Variants in FAM174C observed in about 807,000 individuals in gnomAD.
The protein encoded by FAM174C is family with sequence similarity 174 member C.
A neutral mutation model predicts 12.3 loss-of-function variants in FAM174C; 19 were observed. The ratio of observed to expected loss-of-function variants is 1.55; its 90% CI spans 1.08 to 2.27. FAM174C has a LOEUF of 2.27. Ranked by LOEUF, FAM174C falls within the 30% of genes most tolerant of loss-of-function variation. The pLI is 0.00. For missense variants in FAM174C, 239 were observed against 190.2 expected, an observed-to-expected ratio of 1.26 and a Z score of -1.51; for synonymous variants, 147 against 103.5, an observed-to-expected ratio of 1.42 and a Z score of -2.55.
intron 1 of FAM174C, 180 bp from the exon 2 acceptor site, chr19:1,277,003 C>T (rs1034037425): frequency 6.1e-6 from 6 of 987,362 alleles, no homozygotes; most frequent in Non-Finnish European, 8.5e-6. Flanking sequence ...CTGTCATCGC[C>T]ATGGGAGTGA....
chr19:1,275,743 C>T lies in FAM174C; in HGVS notation c.194C>T (p.Ala65Val), dbSNP rs2144596394. 1.3e-6 allele frequency: 2 copies of T among 1,534,896 alleles called. No individual in the cohort carries two copies. The highest frequency in any genetic ancestry group is 1.7e-6 in the Non-Finnish European group (2 of 1,144,536). ...HNSTHTRPPGASGSALTRSFY... is the reference protein window; with the variant it reads ...HNSTHTRPPGVSGSALTRSFY... ...AGCACGCACACGCGTCCGCCGGGGG[C>T]GTCGGGCTCGGCGCTGACGCGCTCC... Residue 65 changes from alanine (A) to valine (V), a missense_variant, in exon 1 of 3, where the codon GCG becomes GTG. Transcript: ENST00000409293.
chr19:1,277,140 T>G lies in FAM174C; in HGVS notation c.282-43T>G, dbSNP rs757881896. 71 of 1,505,550 alleles carry G rather than the reference T, an allele frequency of 4.7e-5. No homozygotes were observed. The African/African-American group carries it at 9.3e-4, about 20-fold the overall frequency. The allele number at this position is 1,505,550 out of a possible 1,614,324, so 93.3% of individuals were successfully genotyped here. On this transcript the variant is annotated intron_variant, in intron 1 of 2. Transcript: ENST00000409293. ...GTCCTGAGGGAAGGAGGAGGCAGGGTTGGCGGGGAGGGGCCACTGACTATG... is the reference window on the plus strand; with the variant it reads ...GTCCTGAGGGAAGGAGGAGGCAGGGGTGGCGGGGAGGGGCCACTGACTATG...
chr19:1,275,933 TCC>T, intron 1 of FAM174C, 103 bp downstream of exon 1: 2 of 950,250 alleles, frequency 2.1e-6, no homozygotes, highest in East Asian at 3.0e-5. Context: ...CCTCCCTCCC[TCC>T]CTCCCTCTCT....
chr19:1,277,429 G>C lies in FAM174C; in HGVS notation c.398+130G>C, dbSNP rs1439197408. The C allele has an allele frequency of 4.4e-6, 6 of 1,361,256 alleles. No homozygotes were observed. The African/African-American group carries it at 7.3e-5, about 17-fold the overall frequency. The allele number at this position is 1,361,256 out of a possible 1,614,324, so 84.3% of individuals were successfully genotyped here. On this transcript the variant is annotated intron_variant, in intron 2 of 2. Transcript: ENST00000409293. ...CAGCTGACAGCGGTAGTCAGGCCATGGCCCCACTGGGCAGGGCTCATCCCT... is the reference window on the plus strand; with the variant it reads ...CAGCTGACAGCGGTAGTCAGGCCATCGCCCCACTGGGCAGGGCTCATCCCT...
rs1353693931 is a variant in FAM174C at position 1,275,785 on chromosome 19, G to T, written c.236G>T (p.Gly79Val). The change falls in exon 1 of 3, where the codon GGC (glycine) becomes GTC (valine). Residue 79 changes from glycine to valine, a missense_variant. By Grantham distance (109) the Gly-to-Val change is moderately radical. Transcript: ENST00000409293. ...ALTRSFYVIL[G>V]FCGLTALYFL... ...ACGCGCTCCTTCTACGTGATCCTGGGCTTCTGCGGCCTGACCGCGCTCTAC... is the reference window on the plus strand; with the variant it reads ...ACGCGCTCCTTCTACGTGATCCTGGTCTTCTGCGGCCTGACCGCGCTCTAC... 1 of 1,539,486 alleles carries T rather than the reference G, an allele frequency of 6.5e-7. No homozygotes were observed. Among genetic ancestry groups the T allele is most frequent in the Non-Finnish European group, 8.7e-7 (1 of 1,146,376 alleles).
At chr19:1,276,492 G>A (rs2081415813) in intron 1 of FAM174C, 1 of 152,496 alleles carries the variant, frequency 6.6e-6, no homozygotes, top group Admixed American at 6.5e-5. Context: ...CTCCCGGGTG[G>A]GAGAGACACA....
chr19:1,278,073 C>T (rs1327081492), intron 2 of FAM174C, among the ~76,000 whole-genome samples: 2 of 102,022 alleles, frequency 2.0e-5, no homozygotes, highest in Non-Finnish European at 4.1e-5. Flanking sequence ...CCGTGGTCAG[C>T]CTTCTTGCTT....
Position 1,275,770 on chromosome 19 carries a change from TC to T in FAM174C, c.222del (p.Tyr75ThrfsTer2), listed in dbSNP as rs995174800. On this transcript the variant is annotated frameshift_variant, in exon 1 of 3. Coordinates refer to ENST00000409293, the MANE Select transcript of FAM174C (RefSeq NM_017914.4). LOFTEE classifies it high-confidence loss of function. ...TCGGGCTCGGCGCTGACGCGCTCCT[TC>T]TACGTGATCCTGGGCTTCTGCGGCC... Reference protein sequence around the residue: ...GASGSALTRSFYVILGFCGLT... With the variant: ...GASGSALTRSXYVILGFCGLT... 25 of 1,538,420 alleles carry T rather than the reference TC, an allele frequency of 1.6e-5. No homozygotes were observed. Among genetic ancestry groups the T allele is most frequent in the Non-Finnish European group, 2.1e-5 (24 of 1,144,962 alleles).
chr19:1,275,913 T>A lies in FAM174C; in HGVS notation c.281+83T>A. The A allele has an allele frequency of 6.1e-6, 8 of 1,302,582 alleles. No individual in the cohort carries two copies. In the South Asian group the frequency reaches 7.7e-5, roughly 13 times the overall value. The allele number at this position is 1,302,582 out of a possible 1,614,324, so 80.7% of individuals were successfully genotyped here. On this transcript the variant is annotated intron_variant, in intron 1 of 2. Coordinates refer to ENST00000409293, the MANE Select transcript of FAM174C (RefSeq NM_017914.4). ...GTGCGTCACGTGCCGGGCCGCGGGG[T>A]CCTCCCCTCCCTCCCTCCCTCCCTC...
intron 1 of FAM174C, 87 bp from the exon 2 acceptor site, chr19:1,277,096 G>C (rs2081418820): frequency 6.8e-7 from 1 of 1,476,572 alleles, no homozygotes; most frequent in Non-Finnish European, 9.1e-7. Context: ...CGGGGCTCCA[G>C]TAGAGGACGG....
intron 2 of FAM174C, among the ~76,000 whole-genome samples, chr19:1,278,531 C>G (rs2081425551): frequency 6.6e-6 from 1 of 152,100 alleles, no homozygotes. Flanking sequence ...CCTCCGCATG[C>G]TCTGACTCCA....
intron 2 of FAM174C, among the ~76,000 whole-genome samples, chr19:1,278,439 G>A (rs530538658): frequency 6.6e-6 from 1 of 152,260 alleles, no homozygotes; most frequent in East Asian, 1.9e-4. Context: ...GGCAGGCATG[G>A]AGGCTGGGAG....
At chr19:1,278,018 GC>G (rs1378079780) in intron 2 of FAM174C, 1 of 152,348 alleles carries the variant, frequency 6.6e-6, no homozygotes, top group Non-Finnish European at 1.5e-5. Context: ...CAGGTGATCT[GC>G]CCGCTTCGGC....
Position 1,278,897 on chromosome 19 carries a change from G to T in FAM174C, c.*120G>T, listed in dbSNP as rs781309985. 1 of 1,613,106 alleles carries T rather than the reference G, an allele frequency of 6.2e-7. No homozygotes were observed. The highest frequency in any genetic ancestry group is 8.5e-7 in the Non-Finnish European group (1 of 1,179,842). On this transcript the variant is annotated 3_prime_UTR_variant, in exon 3 of 3. Transcript: ENST00000409293. ...CATTCCCCTGCTGGCCCCGGGGCTG[G>T]TCTCACCCAGTGCCAACCCGAGAGC...
Position 1,275,709 on chromosome 19 carries a change from C to T in FAM174C, c.160C>T (p.Pro54Ser). ...AVTNGSQPGAPHNSTHTRPPG... is the reference protein window; with the variant it reads ...AVTNGSQPGASHNSTHTRPPG... ...GACGAACGGGAGCCAGCCGGGCGCG[C>T]CACACAACAGCACGCACACGCGTCC... The change falls in exon 1 of 3, where the codon CCA becomes TCA. Residue 54 changes from proline (P) to serine (S), a missense_variant. Physicochemically the swap from Pro to Ser is moderately conservative, Grantham distance 74. Transcript: ENST00000409293. The T allele has an allele frequency of 6.6e-7, 1 of 1,511,594 alleles. No homozygotes were observed. Among genetic ancestry groups the T allele is most frequent in the Non-Finnish European group, 8.8e-7 (1 of 1,136,430 alleles). 93.6% of individuals were successfully genotyped at this position (1,511,594 alleles called of 1,614,324 possible).
At chr19:1,275,885 C>G (rs1448918485) in intron 1 of FAM174C, 55 bp downstream of exon 1, 5 of 1,493,576 alleles carry the variant, frequency 3.3e-6, no homozygotes, top group Non-Finnish European at 4.5e-6. Flanking sequence ...TAGCGCGCGC[C>G]TAGTGCGTCA....
chr19:1,278,721 C>G, intron 2 of FAM174C, 56 bp from the exon 3 acceptor site: 1 of 1,605,124 alleles, frequency 6.2e-7, no homozygotes. Flanking sequence ...TGAGCCTCTG[C>G]CCGGCAGGGC....
Position 1,275,552 on chromosome 19 carries a change from GGGGCC to G in FAM174C, c.5_9del (p.Gly2AlafsTer91), listed in dbSNP as rs1455807990. 1 of 1,212,072 alleles carries G rather than the reference GGGGCC, an allele frequency of 8.3e-7. No individual in the cohort carries two copies. The highest frequency in any genetic ancestry group is 1.0e-6 in the Non-Finnish European group (1 of 976,554). The allele number at this position is 1,212,072 out of a possible 1,614,324, so 75.1% of individuals were successfully genotyped here. A position where few individuals can be genotyped will look rare whatever the true frequency, so the allele number is the denominator to read the frequency against. ...GCCGCCACCGCTTCCGCCGGGCCAT[GGGGCC>G]GCGCGTGCTGCAGCCGCCGCTGCTG... On this transcript the variant is annotated frameshift_variant, in exon 1 of 3. Transcript: ENST00000409293. LOFTEE classifies it high-confidence loss of function.
In FAM174C at chr19:1,278,923, T is replaced by G; in HGVS notation, c.*146T>G. 1.9e-6 allele frequency: 3 copies of G among 1,613,126 alleles called. No individual in the cohort carries two copies. On this transcript the variant is annotated 3_prime_UTR_variant, in exon 3 of 3. Transcript: ENST00000409293. ...TCTCACCCAGTGCCAACCCGAGAGCTCCTTTTGGAACCTGCACAGCCCGCC... is the reference window on the plus strand; with the variant it reads ...TCTCACCCAGTGCCAACCCGAGAGCGCCTTTTGGAACCTGCACAGCCCGCC...
Sources: allele counts gnomAD v4.1 joint callset (sites outside exome capture counted in the v4.1 genomes callset), GRCh38; gene constraint gnomAD v4.1.1; transcripts MANE v1.5; gene names NCBI Gene and HGNC (gene_info 2026-07-23, HGNC 2026-07-21).